Variants in ZNF444 observed in about 807,000 individuals in gnomAD.
ZNF444 encodes endothelial zinc finger protein 2.
Under a neutral mutation model 14.4 loss-of-function variants are expected in ZNF444, and 8 were observed. The ratio of observed to expected loss-of-function variants is 0.56; its 90% CI spans 0.33 to 1.00. The LOEUF (loss-of-function observed/expected upper bound fraction) is 1.00, where lower values mean the gene tolerates loss of function less well. Among genes scored for constraint, ZNF444 ranks in the 50% least tolerant of loss-of-function variants. The probability of loss-of-function intolerance (pLI) is 0.03; values close to 1 mark genes in which losing one functional copy is unlikely to be tolerated. For synonymous variants in ZNF444, 258 were observed against 235.9 expected (o/e 1.09, Z -0.86); for missense variants, 510 against 504.8 (o/e 1.01, Z -0.10).
chr19:56,140,121 T>TG (rs1223651609), upstream of ZNF444, among the ~76,000 whole-genome samples: 1 of 152,204 alleles, frequency 6.6e-6, no homozygotes, highest in Non-Finnish European at 1.5e-5. Context: ...TGTTCATTTA[T>TG]GAATATAAGA....
chr19:56,151,859 G>A (rs1831847456), intron 3 of ZNF444: 7 of 425,976 alleles, frequency 1.6e-5, no homozygotes, highest in Non-Finnish European at 2.8e-5. Context: ...TGACGGTGGT[G>A]TATAGACAGC....
At chr19:56,133,598 G>A (rs886275870) in intron 1 of ZNF444, among the ~76,000 whole-genome samples, 4 of 148,378 alleles carry the variant, frequency 2.7e-5, no homozygotes, top group African/African-American at 1.0e-4. Flanking sequence ...GGATCACAAG[G>A]TCAGGAGATC....
At chr19:56,134,549 A>C (rs377118140) in intron 1 of ZNF444, among the ~76,000 whole-genome samples, 3 of 152,300 alleles carry the variant, frequency 2.0e-5, no homozygotes, top group East Asian at 1.9e-4. Context: ...CCAGACTTAC[A>C]GGTGTGGGGG....
upstream of ZNF444, among the ~76,000 whole-genome samples, chr19:56,140,543 C>G (rs1344891676): frequency 6.6e-6 from 1 of 152,136 alleles, no homozygotes; most frequent in East Asian, 1.9e-4. Context: ...CAGGTTCACA[C>G]ACAGGAAGAG....
In ZNF444 at chr19:56,145,065, C is replaced by T. The variant is rs769248327; in HGVS notation, c.-196-1182C>T. On this transcript the variant is annotated intron_variant, in intron 1 of 4. Transcript: ENST00000337080. The surrounding 1 kb of genome is among the most constrained non-coding windows in gnomAD (Gnocchi z 4.3). ...CGTGGACAGCGCGTGAGCAAGTGGGCGTGGATGTGCGCCAGTGAGACTTAA... is the reference window on the plus strand; with the variant it reads ...CGTGGACAGCGCGTGAGCAAGTGGGTGTGGATGTGCGCCAGTGAGACTTAA... Among the ~76,000 whole-genome samples the T allele has an allele frequency of 5.9e-5, 9 of 152,232 alleles. No homozygotes were observed. The highest frequency in any genetic ancestry group is 1.2e-4 in the African/African-American group (5 of 41,466).
At chr19:56,134,508 G>C (rs1217216700) in intron 1 of ZNF444, among the ~76,000 whole-genome samples, 3 of 152,210 alleles carry the variant, frequency 2.0e-5, no homozygotes, top group Non-Finnish European at 4.4e-5. Flanking sequence ...GAAAGAGGGG[G>C]CTCTGCGGAA....
At chr19:56,158,758 G>A (rs531888979) in intron 4 of ZNF444, among the ~76,000 whole-genome samples, 156 bp downstream of exon 4, 2 of 152,178 alleles carry the variant, frequency 1.3e-5, no homozygotes, top group East Asian at 3.9e-4. Context: ...GGGCATTGGG[G>A]GTATGGGTGG....
At chr19:56,138,650 A>G (rs1242757743), upstream of ZNF444, among the ~76,000 whole-genome samples, 1 of 152,070 alleles carries the variant, frequency 6.6e-6, no homozygotes, top group Admixed American at 6.6e-5. Context: ...TAAATTACAG[A>G]AACTGATAAC....
chr19:56,140,819 T>C (rs578245017), upstream of ZNF444: 5 of 152,466 alleles, frequency 3.3e-5, no homozygotes, highest in East Asian at 5.8e-4. Flanking sequence ...ACCTCCCAAA[T>C]GCCCGGCGGT....
At chr19:56,133,670 G>A (rs564808394) in intron 1 of ZNF444, among the ~76,000 whole-genome samples, 4 of 151,492 alleles carry the variant, frequency 2.6e-5, no homozygotes, top group East Asian at 3.9e-4. Context: ...AAAATTAGCC[G>A]GGCGTGGTGG....
chr19:56,146,824 T>C (rs1436737008), intron 2 of ZNF444, 66 bp from the exon 3 acceptor site: 2 of 1,183,968 alleles, frequency 1.7e-6, no homozygotes. Flanking sequence ...GTTGGTCCCA[T>C]TGTGAGTCTG....
Position 56,144,242 on chromosome 19 carries a change from G to A in ZNF444, c.-196-2005G>A, listed in dbSNP as rs1034628962. On this transcript the variant is annotated intron_variant, in intron 1 of 4. Coordinates refer to ENST00000337080, the MANE Select transcript of ZNF444 (RefSeq NM_018337.4). The surrounding 1 kb of genome is among the most constrained non-coding windows in gnomAD (Gnocchi z 4.0). ...GAGGATGGTTTGAGCCCAGGAGGTC[G>A]GGGCTGCAATGAGCCGAGAGGTCAT... 6.6e-6 allele frequency among the ~76,000 whole-genome samples: 1 copy of A among 152,074 alleles called. No individual in the cohort carries two copies. The highest frequency in any genetic ancestry group is 2.4e-5 in the African/African-American group (1 of 41,388).
At chr19:56,138,149 A>G (rs1164488897), upstream of ZNF444, among the ~76,000 whole-genome samples, 1 of 152,144 alleles carries the variant, frequency 6.6e-6, no homozygotes, top group Admixed American at 6.6e-5. Flanking sequence ...CCTCTGATAA[A>G]TGGGTAAACA....
chr19:56,135,600 G>T (rs528700580), intron 1 of ZNF444, among the ~76,000 whole-genome samples: 2 of 152,142 alleles, frequency 1.3e-5, no homozygotes, highest in Admixed American at 1.3e-4. Context: ...TGCAGACAGG[G>T]CAGGGCTCCA....
chr19:56,141,373 A>G lies in ZNF444; in HGVS notation c.-197+16A>G, dbSNP rs1599991793. On this transcript the variant is annotated intron_variant, in intron 1 of 4. Coordinates refer to ENST00000337080, the MANE Select transcript of ZNF444 (RefSeq NM_018337.4). ...AGAGAGTGAGGTGAGCGAGGGGGGA[A>G]GGAGGGAGGGATTGGGTGGGGGCGG... 1 of 3,374 alleles carries G rather than the reference A, an allele frequency of 3.0e-4. No homozygotes were observed. 0.2% of individuals were successfully genotyped at this position (3,374 alleles called of 1,614,324 possible). A position where few individuals can be genotyped will look rare whatever the true frequency, so the allele number is the denominator to read the frequency against.
At chr19:56,148,119 C>T (rs79441942) in intron 3 of ZNF444, among the ~76,000 whole-genome samples, 5,875 of 152,316 alleles carry the variant, frequency 0.039, 185 homozygotes, top group East Asian at 0.18. Flanking sequence ...GGCAAATTTA[C>T]TTCATGGACC....
Position 56,160,230 on chromosome 19 carries a change from C to T in ZNF444, c.*29C>T, listed in dbSNP as rs552871613. On this transcript the variant is annotated 3_prime_UTR_variant, in exon 5 of 5. Coordinates refer to ENST00000337080, the MANE Select transcript of ZNF444 (RefSeq NM_018337.4). ...CCTCCCGGCCAGCGCCATCTCCCGC[C>T]CTTGGTGCTGCCCCCGGGCGGTACC... The T allele has an allele frequency of 6.8e-4, 964 of 1,408,302 alleles. 3 individuals carry two copies. The highest frequency in any genetic ancestry group is 2.8e-3 in the South Asian group (181 of 65,020). 87.2% of individuals were successfully genotyped at this position (1,408,302 alleles called of 1,614,324 possible). A position where few individuals can be genotyped will look rare whatever the true frequency, so the allele number is the denominator to read the frequency against.
rs949047275 is a variant in ZNF444, at chr19:56,144,803, A to T, written c.-196-1444A>T. Among the ~76,000 whole-genome samples, 2 of 152,252 alleles carry T rather than the reference A, an allele frequency of 1.3e-5. No individual in the cohort carries two copies. The highest frequency in any genetic ancestry group is 1.3e-4 in the Admixed American group (2 of 15,292). On this transcript the variant is annotated intron_variant, in intron 1 of 4. Coordinates refer to ENST00000337080, the MANE Select transcript of ZNF444 (RefSeq NM_018337.4). The surrounding 1 kb of genome is among the most constrained non-coding windows in gnomAD (Gnocchi z 4.0). ...AGAGACCCCAAGTACAGGGCTCCAC[A>T]TAGGACAGAACTGATTCTTTTCTCC...
intron 1 of ZNF444, among the ~76,000 whole-genome samples, chr19:56,143,081 G>A (rs1313471484): frequency 1.3e-5 from 2 of 152,166 alleles, no homozygotes; most frequent in Admixed American, 6.5e-5. Flanking sequence ...TGTGCTTTGC[G>A]GACACAGACA....
Sources: gnomAD v4.1 joint callset for allele counts (sites outside exome capture counted in the v4.1 genomes callset) on GRCh38, gnomAD v4.1.1 for gene constraint, Gnocchi (gnomAD v3.1) non-coding constraint, MANE v1.5 for transcripts, NCBI Gene and HGNC (gene_info 2026-07-23, HGNC 2026-07-21) for gene names.